The following PALD1 variants were observed in gnomAD, a reference collection of about 807,000 sequenced individuals.
PALD1 encodes phosphatase domain containing paladin 1.
PALD1 carries 57 observed loss-of-function variants against 96.0 expected under a neutral mutation model. That is an observed-to-expected ratio of 0.59 (90% CI 0.48 to 0.74). The LOEUF is 0.74. Ranked by LOEUF, PALD1 falls within the 30% of genes least tolerant of loss-of-function variation. The pLI, the probability that PALD1 is intolerant of heterozygous loss-of-function variation, is 0.00. For missense variants in PALD1, 1,063 were observed against 1,143.7 expected, an observed-to-expected ratio of 0.93 and a Z score of 1.02; for synonymous variants, 464 against 473.6, an observed-to-expected ratio of 0.98 and a Z score of 0.26.
Position 70,533,052 on chromosome 10 carries a change from C to G in PALD1, c.852C>G (p.Ala284=), listed in dbSNP as rs372226361. Residue 284 remains alanine (A), a synonymous_variant, in exon 7 of 20, where the codon GCC becomes GCG. Transcript: ENST00000263563. ...QGSPLEAQLD[A]FVSVLRETPS... ...GTCCCCTGGAGGCCCAGTTGGACGCCTTTGTCAGTGTTCTCCGGGTAACTG... is the reference window on the plus strand; with the variant it reads ...GTCCCCTGGAGGCCCAGTTGGACGCGTTTGTCAGTGTTCTCCGGGTAACTG... 1 of 1,582,980 alleles carries G rather than the reference C, an allele frequency of 6.3e-7. No homozygotes were observed. The highest frequency in any genetic ancestry group is 1.8e-5 in the Admixed American group (1 of 55,814).
At chr10:70,497,389 G>T (rs555410472) in intron 1 of PALD1, among the ~76,000 whole-genome samples, 3 of 152,240 alleles carry the variant, frequency 2.0e-5, no homozygotes, top group African/African-American at 7.2e-5. Flanking sequence ...CCACAAGGCC[G>T]CCAACTCCCT....
chr10:70,493,524 G>C (rs946979598), intron 1 of PALD1, among the ~76,000 whole-genome samples: 1 of 152,142 alleles, frequency 6.6e-6, no homozygotes, highest in African/African-American at 2.4e-5. Context: ...TTCCTCTTTT[G>C]GGATGCTGCT....
chr10:70,487,464 T>C (rs1744142568), intron 1 of PALD1, among the ~76,000 whole-genome samples: 1 of 151,968 alleles, frequency 6.6e-6, no homozygotes, highest in Non-Finnish European at 1.5e-5. Flanking sequence ...AGAATGGGCA[T>C]GAACATTTCC....
rs74849590 is a variant in PALD1 at position 70,557,726 on chromosome 10, A to G, written c.2263-6638A>G. ...CTGCCAGCCCTGGAACCTGCCCTTC[A>G]GCCACTGGCCATCTTTGGGGACTGT... On this transcript the variant is annotated intron_variant, in intron 18 of 19. Coordinates refer to ENST00000263563, the MANE Select transcript of PALD1 (RefSeq NM_014431.3). Among the ~76,000 whole-genome samples, 421 of 152,174 alleles carry G rather than the reference A, an allele frequency of 2.8e-3. 3 individuals carry two copies. In the East Asian group the frequency reaches 0.034, roughly 12 times the overall value.
chr10:70,549,515 C>T (rs943928138), intron 18 of PALD1, among the ~76,000 whole-genome samples: 1 of 152,230 alleles, frequency 6.6e-6, no homozygotes, highest in Non-Finnish European at 1.5e-5. Flanking sequence ...GGGCCTGAGC[C>T]GTGGGGAGAC....
chr10:70,480,318 C>T (rs928137503), intron 1 of PALD1, among the ~76,000 whole-genome samples: 2 of 152,138 alleles, frequency 1.3e-5, no homozygotes, highest in Admixed American at 1.3e-4. Flanking sequence ...TAGAGCCAGC[C>T]TTGTAGGAGG....
chr10:70,508,574 C>T (rs988762758), intron 1 of PALD1, among the ~76,000 whole-genome samples: 8 of 152,294 alleles, frequency 5.3e-5, no homozygotes, highest in Non-Finnish European at 7.4e-5. Context: ...CGCATGAGCA[C>T]GAGGTGCCAT....
chr10:70,543,478 T>C (rs181152676), intron 17 of PALD1, among the ~76,000 whole-genome samples: 1 of 152,310 alleles, frequency 6.6e-6, no homozygotes, highest in Non-Finnish European at 1.5e-5. Context: ...AGCTTCTCCC[T>C]TGTGTTTTAT....
At chr10:70,514,129 C>G (rs747772083) in intron 1 of PALD1, among the ~76,000 whole-genome samples, 19 of 152,252 alleles carry the variant, frequency 1.2e-4, no homozygotes, top group Non-Finnish European at 2.1e-4. Context: ...TGCGGGCCGT[C>G]CGGTCATTCT....
At chr10:70,515,447 C>G (rs952291607) in intron 1 of PALD1, among the ~76,000 whole-genome samples, 1 of 152,256 alleles carries the variant, frequency 6.6e-6, no homozygotes, top group Non-Finnish European at 1.5e-5. Flanking sequence ...CAGCCTGGCT[C>G]TGCCCTGCTG....
intron 1 of PALD1, among the ~76,000 whole-genome samples, chr10:70,488,027 A>G (rs1043026533): frequency 6.6e-6 from 1 of 152,140 alleles, no homozygotes; most frequent in Non-Finnish European, 1.5e-5. Flanking sequence ...TTTGAGATTC[A>G]TCTCTGTTAT....
intron 1 of PALD1, among the ~76,000 whole-genome samples, chr10:70,516,965 A>G (rs773275836): frequency 2.6e-5 from 4 of 152,066 alleles, no homozygotes; most frequent in Non-Finnish European, 5.9e-5. Context: ...TGGACCAGCC[A>G]GATTTCCAGG....
At chr10:70,514,407 G>A (rs1490126184) in intron 1 of PALD1, among the ~76,000 whole-genome samples, 2 of 152,160 alleles carry the variant, frequency 1.3e-5, no homozygotes, top group Non-Finnish European at 2.9e-5. Flanking sequence ...AAAAACACTT[G>A]AGAAACACAT....
Position 70,525,926 on chromosome 10 carries a change from T to C in PALD1, c.-26T>C. 1.2e-6 allele frequency: 2 copies of C among 1,613,156 alleles called. No homozygotes were observed. Reference sequence around the variant, plus strand: ...TGCACACCCTCTTATCCTACAGGTCTGGGGTCCTGAGGCTGCTGGCAGACT... The same window carrying C: ...TGCACACCCTCTTATCCTACAGGTCCGGGGTCCTGAGGCTGCTGGCAGACT... On this transcript the variant is annotated 5_prime_UTR_variant, in exon 2 of 20. Transcript: ENST00000263563.
At chr10:70,556,303 T>C (rs564541023) in intron 18 of PALD1, among the ~76,000 whole-genome samples, 9 of 150,166 alleles carry the variant, frequency 6.0e-5, no homozygotes, top group Non-Finnish European at 8.8e-5. Context: ...TCTCTCTCTC[T>C]CTCTGTCTCT....
chr10:70,502,553 C>T (rs959990548), intron 1 of PALD1, among the ~76,000 whole-genome samples: 2 of 152,078 alleles, frequency 1.3e-5, no homozygotes, highest in Admixed American at 1.3e-4. Flanking sequence ...ATATCTTTCA[C>T]ATTCATAGTG....
intron 1 of PALD1, among the ~76,000 whole-genome samples, chr10:70,483,368 GC>G (rs1424493050): frequency 2.6e-5 from 4 of 152,218 alleles, no homozygotes; most frequent in Non-Finnish European, 5.9e-5. Context: ...GATGAGAGAG[GC>G]AGGTGGGGTG....
At chr10:70,550,348 T>C (rs867173327) in intron 18 of PALD1, among the ~76,000 whole-genome samples, 4 of 152,178 alleles carry the variant, frequency 2.6e-5, no homozygotes, top group African/African-American at 9.7e-5. Context: ...AATCACATGT[T>C]AGACTTGTTA....
intron 1 of PALD1, among the ~76,000 whole-genome samples, chr10:70,494,349 A>T (rs1047419622): frequency 5.9e-5 from 9 of 152,258 alleles, no homozygotes; most frequent in Admixed American, 2.0e-4. Flanking sequence ...TCTGGCTCCT[A>T]GAACAGTGCC....
Sources: gnomAD v4.1 joint callset for allele counts (sites outside exome capture counted in the v4.1 genomes callset) on GRCh38, gnomAD v4.1.1 for gene constraint, MANE v1.5 for transcripts, NCBI Gene and HGNC (gene_info 2026-07-23, HGNC 2026-07-21) for gene names.